The following EVI5L variants were observed in gnomAD, a reference collection of about 807,000 sequenced individuals.
The protein encoded by EVI5L is ecotropic viral integration site 5 like, also known as EVI5-like protein.
In EVI5L, 30 loss-of-function variants were observed where a neutral mutation model predicts 106.1. That is an observed-to-expected ratio of 0.28 (90% CI 0.21 to 0.38). The LOEUF is 0.38. Among genes scored for constraint, EVI5L ranks in the 10% least tolerant of loss-of-function variants. The pLI, the probability that EVI5L is intolerant of heterozygous loss-of-function variation, is 1.00. For synonymous variants in EVI5L, 489 were observed against 483.3 expected (o/e 1.01, Z -0.15); for missense variants, 809 against 1,098.0 (o/e 0.74, Z 3.72).
rs559312006 is a variant in EVI5L, at chr19:7,848,008, C to T, written c.327+87C>T. The T allele has an allele frequency of 9.8e-6, 14 of 1,422,312 alleles. No individual in the cohort carries two copies. In the South Asian group the frequency reaches 1.1e-4, roughly 12 times the overall value. The allele number at this position is 1,422,312 out of a possible 1,614,324, so 88.1% of individuals were successfully genotyped here. On this transcript the variant is annotated intron_variant, in intron 3 of 19. Transcript: ENST00000538904. The surrounding 1 kb of genome is among the most constrained non-coding windows in gnomAD (Gnocchi z 4.8). The stretch of plus-strand genomic sequence containing the variant: ...AGCCACCAGGCAGCGCCAGGGTCTG[C>T]GGGGCCCCAGCCTGGGCACAGCGGC...
At position 7,846,470 on chromosome 19, in the gene EVI5L, C is replaced by T. The variant is rs1056641844; in HGVS notation, c.-47-26C>T. On this transcript the variant is annotated intron_variant, in intron 1 of 19. Coordinates refer to ENST00000538904, the MANE Select transcript of EVI5L (RefSeq NM_001159944.3). ...GATGGAGTGGGCTCCCACCCAATGCCGACCACGCATGTCTCTGGCCCCCAG... is the reference window on the plus strand; with the variant it reads ...GATGGAGTGGGCTCCCACCCAATGCTGACCACGCATGTCTCTGGCCCCCAG... 61 of 1,521,984 alleles carry T rather than the reference C, an allele frequency of 4.0e-5. No homozygotes were observed. In the African/African-American group the frequency reaches 6.3e-4, roughly 16 times the overall value. The allele number at this position is 1,521,984 out of a possible 1,614,324, so 94.3% of individuals were successfully genotyped here.
intron 1 of EVI5L, among the ~76,000 whole-genome samples, chr19:7,831,999 G>T (rs73923914): frequency 1.3e-5 from 2 of 152,206 alleles, no homozygotes; most frequent in African/African-American, 4.8e-5. Flanking sequence ...GAAGAGGCTC[G>T]AGTGGAACAT....
Position 7,849,136 on chromosome 19 carries a change from C to G in EVI5L, c.543C>G (p.Asn181Lys), listed in dbSNP as rs554853. Residue 181 changes from asparagine to lysine, a missense_variant, in exon 4 of 20, where the codon AAC (asparagine) becomes AAG (lysine). Around this residue, in one of 2 missense-constraint regions of EVI5L, gnomAD observed 357 missense variants for 588.1 expected, o/e 0.61. Transcript: ENST00000538904. ...QDSLGQEVLFNVMKAYSLVDR... is the reference protein window; with the variant it reads ...QDSLGQEVLFKVMKAYSLVDR... ...GCCTGGGCCAGGAGGTCCTCTTCAA[C>G]GTCATGAAGGTGAGGCCCAGGGCTC... 6.2e-7 allele frequency: 1 copy of G among 1,610,504 alleles called. No individual in the cohort carries two copies. Among genetic ancestry groups the G allele is most frequent in the South Asian group, 1.1e-5 (1 of 90,648 alleles).
intron 10 of EVI5L, among the ~76,000 whole-genome samples, chr19:7,855,298 TAG>T (rs1979467545): frequency 6.6e-6 from 1 of 151,852 alleles, no homozygotes; most frequent in Admixed American, 6.6e-5. Flanking sequence ...GTGTTTTTAG[TAG>T]AGGCTGGTCT....
At chr19:7,843,297 ATGTG>A (rs994092272) in intron 1 of EVI5L, among the ~76,000 whole-genome samples, 3 of 68,092 alleles carry the variant, frequency 4.4e-5, no homozygotes, top group Non-Finnish European at 8.7e-5. Context: ...TCATGTGTGC[ATGTG>A]TGTGAGAGAA....
chr19:7,852,606 C>T (rs1380417971), intron 8 of EVI5L, among the ~76,000 whole-genome samples: 1 of 151,668 alleles, frequency 6.6e-6, no homozygotes, highest in African/African-American at 2.4e-5. Flanking sequence ...GGCTGGAGTA[C>T]AGTGGTGCAG....
At chr19:7,831,146 C>T (rs1978291856) in intron 1 of EVI5L, among the ~76,000 whole-genome samples, 1 of 151,170 alleles carries the variant, frequency 6.6e-6, no homozygotes, top group African/African-American at 2.4e-5. Flanking sequence ...GAAAAATCCA[C>T]CCATGCTCAA....
chr19:7,830,224 G>C lies in EVI5L; in HGVS notation c.-205G>C, dbSNP rs1978289452. On this transcript the variant is annotated 5_prime_UTR_variant, in exon 1 of 20. Transcript: ENST00000538904. ...GGGCGGGGCAGCGGCTCCTGTCAGC[G>C]GGTGAAATGGCAGCGGCGGAGCCGG... 1 of 152,580 alleles carries C rather than the reference G, an allele frequency of 6.6e-6. No homozygotes were observed. The highest frequency in any genetic ancestry group is 6.6e-5 in the Admixed American group (1 of 15,232). The allele number at this position is 152,580 out of a possible 1,614,324, so 9.5% of individuals were successfully genotyped here.
At chr19:7,846,802 G>T (rs748280215) in intron 2 of EVI5L, 123 bp downstream of exon 2, 9 of 1,302,680 alleles carry the variant, frequency 6.9e-6, no homozygotes, top group Non-Finnish European at 9.3e-6. Context: ...GCCACCTCCA[G>T]ATGCTGGATG....
intron 1 of EVI5L, among the ~76,000 whole-genome samples, chr19:7,838,894 C>T (rs1405514090): frequency 6.6e-6 from 1 of 151,634 alleles, no homozygotes; most frequent in Non-Finnish European, 1.5e-5. Flanking sequence ...GGAGCCGAGG[C>T]GGGAAGATTA....
intron 8 of EVI5L, chr19:7,852,717 A>AT: frequency 1.3e-5 from 2 of 155,070 alleles, no homozygotes; most frequent in Non-Finnish European, 2.5e-5. Context: ...ATGTCCAGCT[A>AT]ATTTTTTTTT....
Position 7,847,874 on chromosome 19 carries a change from G to A in EVI5L, c.280G>A (p.Ala94Thr), listed in dbSNP as rs752791877. 25 of 1,588,914 alleles carry A rather than the reference G, an allele frequency of 1.6e-5. No individual in the cohort carries two copies. The highest frequency in any genetic ancestry group is 6.8e-5 in the South Asian group (6 of 88,184). ...EDTWILWGRI[A>T]NEWEEWRRRK... ...CACGTGGATCCTGTGGGGCCGGATC[G>A]CCAACGAGTGGGAGGAGTGGCGGCG... is the stretch of plus-strand genomic sequence containing the variant. Residue 94 changes from alanine (A) to threonine (T), a missense_variant, in exon 3 of 20, where the codon GCC becomes ACC. Physicochemically the swap from Ala to Thr is moderately conservative, Grantham distance 58 (BLOSUM62 0). Transcript: ENST00000538904.
In EVI5L at chr19:7,858,638, C is replaced by CT. The variant is rs1979653151; in HGVS notation, c.1374+307_1374+308insT. Reference sequence around the variant, plus strand: ...TCCCTGCAGGGTTTCCTCTGTGTCACAGGCAGCAGACAGGGCTGTGACTCC... The same window carrying CT: ...TCCCTGCAGGGTTTCCTCTGTGTCACTAGGCAGCAGACAGGGCTGTGACTCC... On this transcript the variant is annotated intron_variant, in intron 13 of 19. Coordinates refer to ENST00000538904, the MANE Select transcript of EVI5L (RefSeq NM_001159944.3). The surrounding 1 kb of genome is among the most constrained non-coding windows in gnomAD (Gnocchi z 5.7). 1 of 411,002 alleles carries CT rather than the reference C, an allele frequency of 2.4e-6. No homozygotes were observed. Among genetic ancestry groups the CT allele is most frequent in the South Asian group, 3.1e-5 (1 of 32,490 alleles). The allele number at this position is 411,002 out of a possible 1,614,324, so 25.5% of individuals were successfully genotyped here. A position where few individuals can be genotyped will look rare whatever the true frequency, so the allele number is the denominator to read the frequency against.
In EVI5L at chr19:7,863,148, A is replaced by ATGGCAC; in HGVS notation, c.2044-32_2044-27dup. ...AGCGGGGCCGGACCCCAGGCCCAGCATGGCACTGGCCCCGCGTGACCTGGC... is the reference window on the plus strand; with the variant it reads ...AGCGGGGCCGGACCCCAGGCCCAGCATGGCACTGGCACTGGCCCCGCGTGACCTGGC... On this transcript the variant is annotated intron_variant, in intron 18 of 19. Transcript: ENST00000538904. The surrounding 1 kb of genome is among the most constrained non-coding windows in gnomAD (Gnocchi z 7.7). 1 of 1,544,546 alleles carries ATGGCAC rather than the reference A, an allele frequency of 6.5e-7. No homozygotes were observed. The highest frequency in any genetic ancestry group is 8.7e-7 in the Non-Finnish European group (1 of 1,144,496).
intron 13 of EVI5L, 136 bp from the exon 14 acceptor site, chr19:7,860,425 A>G: frequency 2.9e-6 from 2 of 682,328 alleles, no homozygotes; most frequent in East Asian, 3.0e-5. Context: ...CAGGGGGTCC[A>G]GCCCAGGACA....
Position 7,835,730 on chromosome 19 carries a change from C to G in EVI5L, c.-48+5349C>G, listed in dbSNP as rs956776891. ...AATTCAAGCCGCTGTTCTTGTTATC[C>G]AAGGGGCAGCTCACCTGTCAGTTGT... On this transcript the variant is annotated intron_variant, in intron 1 of 19. Transcript: ENST00000538904. The surrounding 1 kb of genome is among the most constrained non-coding windows in gnomAD (Gnocchi z 4.1). Among the ~76,000 whole-genome samples, 1 of 152,134 alleles carries G rather than the reference C, an allele frequency of 6.6e-6. No homozygotes were observed. Among genetic ancestry groups the G allele is most frequent in the African/African-American group, 2.4e-5 (1 of 41,422 alleles).
intron 1 of EVI5L, 75 bp from the exon 2 acceptor site, chr19:7,846,421 A>G: frequency 1.5e-6 from 2 of 1,364,846 alleles, no homozygotes; most frequent in Non-Finnish European, 2.0e-6. Context: ...AGGGTGAGGA[A>G]ATGTCCCGAG....
rs1979603818 is a variant in EVI5L at position 7,857,804 on chromosome 19, C to T, written c.1234-387C>T. On this transcript the variant is annotated intron_variant, in intron 12 of 19. Coordinates refer to ENST00000538904, the MANE Select transcript of EVI5L (RefSeq NM_001159944.3). This position sits in a 1 kb window ranked among gnomAD's most constrained non-coding sequence, Gnocchi z 4.5. Reference sequence around the variant, plus strand: ...AATGCCCTGGGGAGCCCAGCCCTCTCCTGCCGGGGCCTCAGCTGTCCCCAG... The same window carrying T: ...AATGCCCTGGGGAGCCCAGCCCTCTTCTGCCGGGGCCTCAGCTGTCCCCAG... The T allele has an allele frequency of 4.5e-6, 1 of 221,956 alleles. No homozygotes were observed. Among genetic ancestry groups the T allele is most frequent in the Non-Finnish European group, 9.0e-6 (1 of 110,990 alleles). The allele number at this position is 221,956 out of a possible 1,614,324, so 13.7% of individuals were successfully genotyped here.
chr19:7,849,960 G>T (rs368268597), intron 5 of EVI5L, 37 bp from the exon 6 acceptor site: 2 of 1,552,150 alleles, frequency 1.3e-6, no homozygotes, highest in South Asian at 1.2e-5. Context: ...TCCCCGCTGC[G>T]CTGCCCTGAG....
Sources: gnomAD v4.1 joint callset for allele counts (sites outside exome capture counted in the v4.1 genomes callset) on GRCh38, gnomAD v4.1.1 for gene constraint, gnomAD v4.1.1 regional missense constraint, Gnocchi (gnomAD v3.1) non-coding constraint, MANE v1.5 for transcripts, NCBI Gene and HGNC (gene_info 2026-07-23, HGNC 2026-07-21) for gene names.